The following VDAC1 variants were observed in gnomAD, a reference collection of about 807,000 sequenced individuals.
VDAC1 encodes voltage dependent anion channel 1.
In VDAC1, 10 loss-of-function variants were observed where a neutral mutation model predicts 34.7. The observed-to-expected ratio is 0.29, with a 90% CI of 0.18 to 0.49. The LOEUF (loss-of-function observed/expected upper bound fraction) is 0.49. Ranked by LOEUF, VDAC1 falls within the 20% of genes least tolerant of loss-of-function variation. The pLI is 0.99. For missense variants in VDAC1, 230 were observed against 347.9 expected, an observed-to-expected ratio of 0.66 and a Z score of 2.69; for synonymous variants, 130 against 136.0, an observed-to-expected ratio of 0.96 and a Z score of 0.30.
the VDAC1 span, among the ~76,000 whole-genome samples, chr5:134,041,991 T>A: frequency 1.3e-5 from 2 of 152,178 alleles, no homozygotes; most frequent in African/African-American, 2.4e-5. Flanking sequence ...TTTTGGGGGA[T>A]CAGAGAAAGG....
At chr5:134,042,229 C>G in the VDAC1 span, among the ~76,000 whole-genome samples, 1 of 152,188 alleles carries the variant, frequency 6.6e-6, no homozygotes, top group East Asian at 1.9e-4. Flanking sequence ...GCCACGCTCA[C>G]TCATCCTGGG....
At chr5:134,112,398 C>G in the VDAC1 span, among the ~76,000 whole-genome samples, 1 of 152,206 alleles carries the variant, frequency 6.6e-6, no homozygotes, top group Non-Finnish European at 1.5e-5. Flanking sequence ...AGTAGATGAT[C>G]CCTTAGCAAG....
At chr5:134,099,048 C>T in the VDAC1 span, among the ~76,000 whole-genome samples, 1 of 152,246 alleles carries the variant, frequency 6.6e-6, no homozygotes, top group Non-Finnish European at 1.5e-5. Flanking sequence ...AATTCTGACA[C>T]AGAGGAGAAA....
At chr5:134,066,150 A>G in the VDAC1 span, among the ~76,000 whole-genome samples, 2 of 151,646 alleles carry the variant, frequency 1.3e-5, no homozygotes, top group Admixed American at 1.3e-4. Flanking sequence ...TCTGTTGCCC[A>G]GGCTGGAGAG....
At position 133,991,042 on chromosome 5, in the gene VDAC1, G is replaced by T; in HGVS notation, c.230C>A (p.Thr77Asn). The T allele has an allele frequency of 6.2e-7, 1 of 1,614,064 alleles. No homozygotes were observed. The highest frequency in any genetic ancestry group is 8.5e-7 in the Non-Finnish European group (1 of 1,180,020). The change falls in exon 4 of 9, where the codon ACC (threonine) becomes AAC (asparagine). Residue 77 changes from threonine (T) to asparagine (N), a missense_variant. Thr to Asn is a moderately conservative substitution (Grantham distance 65). Coordinates refer to ENST00000265333, the MANE Select transcript of VDAC1 (RefSeq NM_003374.3). ...AATCTCGGTGCCTAGTGTATTGTCG[G>T]TATTCCATTTCTCTGTAAACGTCAG... ...YGLTFTEKWN[T>N]DNTLGTEITV... is the part of the protein sequence containing the mutation.
At chr5:134,004,726 G>C (rs1199509566) in intron 1 of VDAC1, 169 bp downstream of exon 1, 1 of 150,976 alleles carries the variant, frequency 6.6e-6, no homozygotes, top group Non-Finnish European at 1.5e-5. Flanking sequence ...GCCAGGGAGC[G>C]GAGCCGAGCG....
chr5:134,035,785 T>A, the VDAC1 span, among the ~76,000 whole-genome samples: 2 of 151,916 alleles, frequency 1.3e-5, no homozygotes, highest in Non-Finnish European at 2.9e-5. Flanking sequence ...AGCAGGTGGG[T>A]CATGAGGTCA....
chr5:134,084,094 A>G, the VDAC1 span, among the ~76,000 whole-genome samples: 34 of 152,318 alleles, frequency 2.2e-4, no homozygotes, highest in African/African-American at 8.2e-4. Flanking sequence ...CTTAGAGATG[A>G]TTAAATAAGA....
chr5:134,067,323 C>T, the VDAC1 span, among the ~76,000 whole-genome samples: 635 of 151,312 alleles, frequency 4.2e-3, 1 homozygote, highest in Non-Finnish European at 6.8e-3. Context: ...GACATGCCCA[C>T]CTCGGCCTCC....
At chr5:134,048,727 C>T in the VDAC1 span, among the ~76,000 whole-genome samples, 8 of 152,138 alleles carry the variant, frequency 5.3e-5, no homozygotes, top group South Asian at 2.1e-4. Flanking sequence ...TAGCTCTTAT[C>T]CCCCGCTGGA....
rs756691461 is a variant in VDAC1 at position 133,972,791 on chromosome 5, C to G, written c.832G>C (p.Gly278Arg). Residue 278 changes from glycine (G) to arginine (R), a missense_variant, in exon 9 of 9, where the codon GGA (glycine) becomes CGA (arginine). Transcript: ENST00000265333. ...VNAGGHKLGL[G>R]LEFQA ...TTCATTTATGCTTGAAATTCCAGTC[C>G]TAGACCAAGCTTGTGGCCACCAGCA... 2 of 1,611,442 alleles carry G rather than the reference C, an allele frequency of 1.2e-6. No homozygotes were observed.
At chr5:134,075,059 C>G in the VDAC1 span, among the ~76,000 whole-genome samples, 5 of 152,196 alleles carry the variant, frequency 3.3e-5, no homozygotes, top group Non-Finnish European at 7.3e-5. Context: ...TGCACACAGT[C>G]TGGATACACT....
chr5:133,990,728 T>C, intron 5 of VDAC1, 127 bp downstream of exon 5: 1 of 1,126,776 alleles, frequency 8.9e-7, no homozygotes, highest in Non-Finnish European at 1.3e-6. Flanking sequence ...CCAGAGGACT[T>C]AAATCGCCAG....
At chr5:134,006,204 T>C (rs931543871), upstream of VDAC1, among the ~76,000 whole-genome samples, 4 of 152,128 alleles carry the variant, frequency 2.6e-5, no homozygotes, top group African/African-American at 9.7e-5. Flanking sequence ...ACGGATTCTA[T>C]GACCCTCCCA....
At chr5:134,039,338 A>T in the VDAC1 span, among the ~76,000 whole-genome samples, 6 of 151,234 alleles carry the variant, frequency 4.0e-5, no homozygotes, top group Non-Finnish European at 5.9e-5. Flanking sequence ...TATTTTTTTT[A>T]TTTTTTTTGA....
chr5:134,102,953 A>G, the VDAC1 span, among the ~76,000 whole-genome samples: 2 of 152,010 alleles, frequency 1.3e-5, no homozygotes, highest in Non-Finnish European at 2.9e-5. Flanking sequence ...GTGGTCCCAG[A>G]GAAGGTGGGA....
At chr5:134,069,536 C>A in the VDAC1 span, among the ~76,000 whole-genome samples, 5 of 152,192 alleles carry the variant, frequency 3.3e-5, no homozygotes. Flanking sequence ...TCCTCTACCA[C>A]CCAGGCCTCC....
chr5:134,030,984 A>C, the VDAC1 span, among the ~76,000 whole-genome samples: 1 of 152,084 alleles, frequency 6.6e-6, no homozygotes, highest in Non-Finnish European at 1.5e-5. Flanking sequence ...CCCCTTCCCT[A>C]GGGATCCCAA....
At chr5:134,030,202 T>G in the VDAC1 span, among the ~76,000 whole-genome samples, 1 of 151,706 alleles carries the variant, frequency 6.6e-6, no homozygotes, top group Non-Finnish European at 1.5e-5. Context: ...TAGCCGGGCG[T>G]GGTGGTGCTT....
Sources: allele counts gnomAD v4.1 joint callset (sites outside exome capture counted in the v4.1 genomes callset), GRCh38; gene constraint gnomAD v4.1.1; transcripts MANE v1.5; gene names NCBI Gene and HGNC (gene_info 2026-07-23, HGNC 2026-07-21).